Variants in NFE2L2 observed in about 807,000 individuals in gnomAD.
NFE2L2 encodes the protein NFE2 like bZIP transcription factor 2.
Under a neutral mutation model 49.6 loss-of-function variants are expected in NFE2L2, and 20 were observed. That is an observed-to-expected ratio of 0.40 (90% CI 0.28 to 0.59). The LOEUF is 0.59. NFE2L2 is among the 20% of genes least tolerant of loss of function. The pLI is 0.40. For synonymous variants in NFE2L2, 244 were observed against 256.5 expected (o/e 0.95, Z 0.47); for missense variants, 578 against 714.2 (o/e 0.81, Z 2.17).
rs1689582559 is a variant in NFE2L2 at position 177,232,311 on chromosome 2, T to C, written c.594+81A>G. ...AGCACCCTCCAATCCTTCCTATAAA[T>C]AGGTGGTATATAAATAATCAGAATG... On this transcript the variant is annotated intron_variant, in intron 4 of 4. Coordinates refer to ENST00000397062, the MANE Select transcript of NFE2L2 (RefSeq NM_006164.5). The C allele has an allele frequency of 2.3e-6, 3 of 1,300,006 alleles. No individual in the cohort carries two copies. The South Asian group carries it at 4.4e-5, about 19-fold the overall frequency. The allele number at this position is 1,300,006 out of a possible 1,614,324, so 80.5% of individuals were successfully genotyped here. A position where few individuals can be genotyped will look rare whatever the true frequency, so the allele number is the denominator to read the frequency against.
intron 1 of NFE2L2, among the ~76,000 whole-genome samples, chr2:177,236,486 T>C (rs78613948): frequency 0.019 from 2,932 of 152,330 alleles, 78 homozygotes; most frequent in African/African-American, 0.057. Flanking sequence ...CTATATGCTA[T>C]GCACTGTTCT....
chr2:177,232,051 C>T, intron 4 of NFE2L2, 43 bp from the exon 5 acceptor site: 1 of 1,517,096 alleles, frequency 6.6e-7, no homozygotes, highest in Non-Finnish European at 8.8e-7. Flanking sequence ...CAAAGTTAAT[C>T]CATGATAATA....
chr2:177,248,063 C>T (rs780718214), intron 1 of NFE2L2, among the ~76,000 whole-genome samples: 3 of 152,142 alleles, frequency 2.0e-5, no homozygotes, highest in Non-Finnish European at 4.4e-5. Flanking sequence ...TTAGAACAAC[C>T]AACTGACTAA....
At chr2:177,240,377 G>A (rs977233952) in intron 1 of NFE2L2, among the ~76,000 whole-genome samples, 3 of 152,150 alleles carry the variant, frequency 2.0e-5, no homozygotes, top group Non-Finnish European at 2.9e-5. Flanking sequence ...TTCTTACAAC[G>A]GGTGAGAAAG....
chr2:177,258,905 T>C (rs373610644), intron 1 of NFE2L2, among the ~76,000 whole-genome samples: 1 of 152,202 alleles, frequency 6.6e-6, no homozygotes, highest in Non-Finnish European at 1.5e-5. Context: ...CTCACCTTAT[T>C]TGGAATGGCT....
chr2:177,256,950 T>G (rs1008121640), intron 1 of NFE2L2, among the ~76,000 whole-genome samples: 7 of 152,294 alleles, frequency 4.6e-5, no homozygotes, highest in African/African-American at 1.7e-4. Flanking sequence ...CCATCAAGTC[T>G]CTCAAGTGGG....
At chr2:177,249,209 C>G (rs1574274949) in intron 1 of NFE2L2, among the ~76,000 whole-genome samples, 1 of 138,640 alleles carries the variant, frequency 7.2e-6, no homozygotes, top group Non-Finnish European at 1.5e-5. Context: ...ACAGCAATAC[C>G]CGGTCTCCAT....
At chr2:177,236,681 T>C (rs1468069897) in intron 1 of NFE2L2, among the ~76,000 whole-genome samples, 1 of 152,210 alleles carries the variant, frequency 6.6e-6, no homozygotes, top group East Asian at 1.9e-4. Flanking sequence ...TACACTATTA[T>C]AAAATGGCAT....
chr2:177,233,382 A>G, intron 2 of NFE2L2, 43 bp from the exon 3 acceptor site: 1 of 1,420,114 alleles, frequency 7.0e-7, no homozygotes, highest in Non-Finnish European at 9.8e-7. Flanking sequence ...AAATGGTTAA[A>G]TATTCCATTG....
intron 1 of NFE2L2, among the ~76,000 whole-genome samples, chr2:177,260,530 T>C (rs1380212229): frequency 3.9e-5 from 6 of 152,244 alleles, no homozygotes; most frequent in African/African-American, 1.2e-4. Flanking sequence ...TTATGCTTGC[T>C]ATAGTTCAGA....
At chr2:177,243,532 TAA>T (rs1690011851) in intron 1 of NFE2L2, among the ~76,000 whole-genome samples, 1 of 152,134 alleles carries the variant, frequency 6.6e-6, no homozygotes, top group Non-Finnish European at 1.5e-5. Context: ...ATTTTTTTTT[TAA>T]AAGAGATTAA....
chr2:177,231,537 ATGC>A lies in NFE2L2; in HGVS notation c.1063_1065del (p.Ala355del). On this transcript the variant is annotated inframe_deletion, in exon 5 of 5. Transcript: ENST00000397062. ...GAAGATTCCACTGAGTGTTCTGGTGATGCCACACTGGGACTTGTGTTTAGTGAA... is the reference window on the plus strand; with the variant it reads ...GAAGATTCCACTGAGTGTTCTGGTGACACACTGGGACTTGTGTTTAGTGAA... 6.2e-7 allele frequency: 1 copy of A among 1,614,112 alleles called. No individual in the cohort carries two copies. The highest frequency in any genetic ancestry group is 8.5e-7 in the Non-Finnish European group (1 of 1,180,030).
At chr2:177,250,756 G>C (rs767161512) in intron 1 of NFE2L2, among the ~76,000 whole-genome samples, 1 of 152,218 alleles carries the variant, frequency 6.6e-6, no homozygotes, top group Non-Finnish European at 1.5e-5. Flanking sequence ...TGCACAGTGC[G>C]ATGTGCTTAG....
Position 177,231,490 on chromosome 2 carries a change from A to G in NFE2L2, c.1113T>C (p.Leu371=). ...VESSSYGDTL[L]GLSDSEVEEL... ...CTTCCACTTCAGAATCACTGAGGCC[A>G]AGTAGTGTGTCTCCATAGCTGGAAG... The change falls in exon 5 of 5, where the codon CTT becomes CTC. Residue 371 remains leucine, a synonymous_variant. Transcript: ENST00000397062. The G allele has an allele frequency of 1.2e-6, 2 of 1,614,244 alleles. No homozygotes were observed. The highest frequency in any genetic ancestry group is 1.7e-6 in the Non-Finnish European group (2 of 1,180,038).
chr2:177,245,943 C>T (rs1690109132), intron 1 of NFE2L2, among the ~76,000 whole-genome samples: 1 of 152,144 alleles, frequency 6.6e-6, no homozygotes, highest in Non-Finnish European at 1.5e-5. Context: ...CACGTTGAGG[C>T]TTCGGGGATT....
chr2:177,260,807 G>GCAAA (rs56339224), intron 1 of NFE2L2, among the ~76,000 whole-genome samples: 87,698 of 151,640 alleles, frequency 0.58, 27,019 homozygotes, highest in Non-Finnish European at 0.68. Flanking sequence ...AAGAAAAAAG[G>GCAAA]CAGTTTCTGA....
intron 1 of NFE2L2, among the ~76,000 whole-genome samples, chr2:177,237,224 AT>A (rs1273071996): frequency 1.2e-4 from 18 of 152,192 alleles, no homozygotes; most frequent in Non-Finnish European, 1.3e-4. Context: ...CAGAGGCTGC[AT>A]GGGCCGACTG....
intron 1 of NFE2L2, among the ~76,000 whole-genome samples, chr2:177,246,774 CTTT>C (rs56311819): frequency 8.5e-6 from 1 of 117,516 alleles, no homozygotes; most frequent in Non-Finnish European, 1.7e-5. Context: ...TAATATTTTA[CTTT>C]TTTTTTTTTT....
At chr2:177,259,309 A>G (rs1451376480) in intron 1 of NFE2L2, among the ~76,000 whole-genome samples, 1 of 152,094 alleles carries the variant, frequency 6.6e-6, no homozygotes, top group Non-Finnish European at 1.5e-5. Context: ...CTCAAAAAAA[A>G]AAGACGAACT....
Sources: gnomAD v4.1 joint callset for allele counts (sites outside exome capture counted in the v4.1 genomes callset) on GRCh38, gnomAD v4.1.1 for gene constraint, MANE v1.5 for transcripts, NCBI Gene and HGNC (gene_info 2026-07-23, HGNC 2026-07-21) for gene names.